The following PTPN4 variants were observed in gnomAD, a reference collection of about 807,000 sequenced individuals.
PTPN4 encodes the protein protein tyrosine phosphatase non-receptor type 4.
Under a neutral mutation model 135.5 loss-of-function variants are expected in PTPN4, and 49 were observed. The observed-to-expected ratio is 0.36, with a 90% confidence interval of 0.29 to 0.46. The LOEUF (loss-of-function observed/expected upper bound fraction) is 0.46. PTPN4 is among the 20% of genes least tolerant of loss of function. PTPN4 has a pLI of 1.00. For synonymous variants in PTPN4, 333 were observed against 369.9 expected, an observed-to-expected ratio of 0.90 and a Z score of 1.14; for missense variants, 860 against 1,101.0, an observed-to-expected ratio of 0.78 and a Z score of 3.10.
chr2:119,899,904 A>T (rs1231232663), intron 9 of PTPN4, among the ~76,000 whole-genome samples: 1 of 152,160 alleles, frequency 6.6e-6, no homozygotes, highest in Non-Finnish European at 1.5e-5. Context: ...TTCTAGGAAG[A>T]CAATGATAAA....
chr2:119,976,904 ATGTT>A (rs926801401), intron 26 of PTPN4, 76 bp from the exon 27 acceptor site: 27 of 1,533,802 alleles, frequency 1.8e-5, no homozygotes, highest in African/African-American at 7.1e-5. Context: ...GCCAAGTGAG[ATGTT>A]TGTCTTTTTT....
intron 10 of PTPN4, among the ~76,000 whole-genome samples, chr2:119,911,077 T>G (rs1386489744): frequency 6.6e-6 from 1 of 152,164 alleles, no homozygotes; most frequent in African/African-American, 2.4e-5. Flanking sequence ...CCCCTTGTTG[T>G]GAATTCTATC....
chr2:119,855,969 T>C (rs1677672626), intron 2 of PTPN4, among the ~76,000 whole-genome samples: 1 of 151,936 alleles, frequency 6.6e-6, no homozygotes, highest in South Asian at 2.1e-4. Context: ...CGCACCCAGC[T>C]AATTTTTTGT....
chr2:119,932,939 G>A (rs1678927461), intron 14 of PTPN4, among the ~76,000 whole-genome samples: 2 of 152,114 alleles, frequency 1.3e-5, no homozygotes, highest in African/African-American at 2.4e-5. Context: ...AAAATGCTTT[G>A]CAAGTGATTG....
chr2:119,785,896 A>G (rs894530832), intron 1 of PTPN4, among the ~76,000 whole-genome samples: 3 of 152,200 alleles, frequency 2.0e-5, no homozygotes, highest in Non-Finnish European at 2.9e-5. Flanking sequence ...ATTCTGCAGT[A>G]TAAGTGCTCC....
intron 2 of PTPN4, among the ~76,000 whole-genome samples, chr2:119,811,431 T>A (rs1356595687): frequency 6.6e-6 from 1 of 152,188 alleles, no homozygotes; most frequent in Non-Finnish European, 1.5e-5. Context: ...TAGGATTTAG[T>A]GTGCTTTTCT....
chr2:119,768,666 T>C (rs115742966), intron 1 of PTPN4, among the ~76,000 whole-genome samples: 1,817 of 152,300 alleles, frequency 0.012, 23 homozygotes, highest in Non-Finnish European at 0.02. Context: ...TCAATCCCCT[T>C]GTATGTGCCA....
intron 2 of PTPN4, among the ~76,000 whole-genome samples, chr2:119,812,010 A>G (rs1027420960): frequency 2.6e-5 from 4 of 152,130 alleles, no homozygotes; most frequent in Non-Finnish European, 4.4e-5. Flanking sequence ...TTTCTCTACC[A>G]TTATCTCAGG....
chr2:119,860,176 A>G (rs1007746559), intron 2 of PTPN4, among the ~76,000 whole-genome samples: 9 of 152,226 alleles, frequency 5.9e-5, no homozygotes, highest in Non-Finnish European at 1.3e-4. Context: ...CCCCAGACAA[A>G]TATAATCAGA....
intron 3 of PTPN4, among the ~76,000 whole-genome samples, chr2:119,870,338 A>C (rs1193162306): frequency 6.6e-6 from 1 of 152,240 alleles, no homozygotes; most frequent in African/African-American, 2.4e-5. Flanking sequence ...AAGATATAAT[A>C]GAAATTATGA....
chr2:119,851,040 C>G (rs1677583509), intron 2 of PTPN4, among the ~76,000 whole-genome samples: 1 of 152,188 alleles, frequency 6.6e-6, no homozygotes. Context: ...CAGGCCAATG[C>G]TGGTTTCATA....
chr2:119,912,717 A>G (rs1318696205), intron 10 of PTPN4, among the ~76,000 whole-genome samples: 8 of 152,168 alleles, frequency 5.3e-5, no homozygotes. Flanking sequence ...TTAAATCACT[A>G]TTGATATAAT....
intron 3 of PTPN4, among the ~76,000 whole-genome samples, chr2:119,865,835 T>A (rs185842114): frequency 6.6e-6 from 1 of 152,226 alleles, no homozygotes; most frequent in East Asian, 1.9e-4. Flanking sequence ...TTGAAATTAA[T>A]GTAATTGAGT....
chr2:119,773,142 T>C (rs944264996), intron 1 of PTPN4, among the ~76,000 whole-genome samples: 1 of 152,220 alleles, frequency 6.6e-6, no homozygotes, highest in African/African-American at 2.4e-5. Context: ...ATTCTTCAAA[T>C]TTTTTGTTCA....
chr2:119,952,118 T>A lies in PTPN4; in HGVS notation c.1802T>A (p.Val601Asp). ...ERHSGELMLL[V>D]RPNAVYDVVE... ...CATTCTGGGGAACTCATGCTTCTAG[T>A]TCGACCTAATGGTGAGTACTCTATG... Residue 601 changes from valine (V) to aspartate (D), a missense_variant, in exon 19 of 27, where the codon GTT becomes GAT. Physicochemically the swap from Val to Asp is radical, Grantham distance 152. This residue lies in a region of PTPN4 where 684 missense variants were observed against 807.0 expected (regional missense o/e 0.85). Transcript: ENST00000263708. The A allele has an allele frequency of 6.2e-7, 1 of 1,612,068 alleles. No individual in the cohort carries two copies. Among genetic ancestry groups the A allele is most frequent in the Non-Finnish European group, 8.5e-7 (1 of 1,178,476 alleles).
intron 3 of PTPN4, among the ~76,000 whole-genome samples, chr2:119,866,273 T>C (rs1677833648): frequency 6.6e-6 from 1 of 152,108 alleles, no homozygotes; most frequent in Non-Finnish European, 1.5e-5. Flanking sequence ...TAAATTGAAT[T>C]ATACTGCTCT....
chr2:119,883,057 A>C (rs1259906730), intron 8 of PTPN4, among the ~76,000 whole-genome samples: 2 of 152,142 alleles, frequency 1.3e-5, no homozygotes, highest in Non-Finnish European at 2.9e-5. Context: ...AGAACAGTAC[A>C]GGTTGAACAT....
chr2:119,869,376 T>C (rs1677877387), intron 3 of PTPN4, among the ~76,000 whole-genome samples: 1 of 152,252 alleles, frequency 6.6e-6, no homozygotes, highest in South Asian at 2.1e-4. Flanking sequence ...TTAACCTGGC[T>C]GGACCCACAG....
intron 2 of PTPN4, 116 bp from the exon 3 acceptor site, chr2:119,862,420 T>G: frequency 1.2e-6 from 1 of 824,484 alleles, no homozygotes; most frequent in Non-Finnish European, 1.9e-6. Context: ...AAAAAACGTT[T>G]GCTACCTCTG....
Sources: allele counts gnomAD v4.1 joint callset (sites outside exome capture counted in the v4.1 genomes callset), GRCh38; gene constraint gnomAD v4.1.1; regional missense constraint gnomAD v4.1.1; transcripts MANE v1.5; gene names NCBI Gene and HGNC (gene_info 2026-07-23, HGNC 2026-07-21).